SLC35F1: variants seen among roughly 807,000 people sequenced by gnomAD.
SLC35F1 encodes chromosome 6 open reading frame 169.
In SLC35F1, 14 loss-of-function variants were observed where a neutral mutation model predicts 48.7. The ratio of observed to expected loss-of-function variants is 0.29; its 90% CI spans 0.19 to 0.45. SLC35F1 has a LOEUF of 0.45. Ranked by LOEUF, SLC35F1 falls within the 20% of genes least tolerant of loss-of-function variation. The pLI is 1.00. For synonymous variants in SLC35F1, 190 were observed against 202.2 expected, an observed-to-expected ratio of 0.94 and a Z score of 0.51; for missense variants, 404 against 500.0, an observed-to-expected ratio of 0.81 and a Z score of 1.83.
intron 5 of SLC35F1, among the ~76,000 whole-genome samples, chr6:118,277,073 A>G (rs952331736): frequency 4.6e-5 from 7 of 152,022 alleles, no homozygotes; most frequent in African/African-American, 1.7e-4. Context: ...ATTTTAACCC[A>G]CTCTCCAGTT....
At chr6:117,984,952 T>C (rs1165685535) in intron 1 of SLC35F1, among the ~76,000 whole-genome samples, 1 of 152,216 alleles carries the variant, frequency 6.6e-6, no homozygotes, top group Non-Finnish European at 1.5e-5. Context: ...TCAATTTGTT[T>C]CTACAATGGT....
intron 1 of SLC35F1, among the ~76,000 whole-genome samples, chr6:118,100,582 A>C (rs1017856038): frequency 1.3e-5 from 2 of 152,204 alleles, no homozygotes; most frequent in Admixed American, 6.5e-5. Flanking sequence ...GGCAAAGTCT[A>C]GGGGGGTTTC....
intron 1 of SLC35F1, among the ~76,000 whole-genome samples, chr6:118,050,653 A>G (rs1772375732): frequency 6.6e-6 from 1 of 152,098 alleles, no homozygotes. Flanking sequence ...GGTCTGAGGA[A>G]CTGAAAGAAA....
chr6:118,126,563 A>G (rs1773627688), intron 1 of SLC35F1, among the ~76,000 whole-genome samples: 1 of 151,326 alleles, frequency 6.6e-6, no homozygotes, highest in Non-Finnish European at 1.5e-5. Context: ...TCTATAAATT[A>G]CCTTGGGCAA....
intron 1 of SLC35F1, among the ~76,000 whole-genome samples, chr6:117,910,719 G>A (rs1311831402): frequency 6.6e-6 from 1 of 152,158 alleles, no homozygotes; most frequent in African/African-American, 2.4e-5. Context: ...TGGGCCAAAG[G>A]GGTAATGCTG....
At chr6:118,305,048 A>ATGTGTGTGTGTG (rs758520455) in intron 7 of SLC35F1, among the ~76,000 whole-genome samples, 198 of 80,160 alleles carry the variant, frequency 2.5e-3, no homozygotes, top group Non-Finnish European at 3.5e-3. Flanking sequence ...ATCAACAGGA[A>ATGTGTGTGTGTG]TGTGTGTGTG....
intron 4 of SLC35F1, among the ~76,000 whole-genome samples, chr6:118,268,232 G>T (rs1775802299): frequency 6.6e-6 from 1 of 152,126 alleles, no homozygotes; most frequent in Non-Finnish European, 1.5e-5. Context: ...GCAGAGACTG[G>T]AACACAAGGC....
Position 118,061,590 on chromosome 6 carries a change from G to GTATATATATATA in SLC35F1, c.174-92851_174-92840dup, listed in dbSNP as rs58046512. ...TATACATTTGTGTGTGTGTGTGTGT[G>GTATATATATATA]TATATATATATATATGTTTGGTATC... On this transcript the variant is annotated intron_variant, in intron 1 of 7. Transcript: ENST00000360388. Among the ~76,000 whole-genome samples, 139 of 144,410 alleles carry GTATATATATATA rather than the reference G, an allele frequency of 9.6e-4. 1 individual carries two copies. Among genetic ancestry groups the GTATATATATATA allele is most frequent in the African/African-American group, 3.4e-3 (132 of 38,948 alleles). 94.7% of individuals were successfully genotyped at this position (144,410 alleles called of 152,430 possible).
intron 1 of SLC35F1, among the ~76,000 whole-genome samples, chr6:118,103,865 G>A (rs11964063): frequency 0.064 from 9,763 of 151,952 alleles, 846 homozygotes; most frequent in African/African-American, 0.19. Context: ...ATTCAGTTCT[G>A]TGGCAGTTAT....
intron 1 of SLC35F1, among the ~76,000 whole-genome samples, chr6:118,068,718 T>C (rs926696995): frequency 2.6e-5 from 4 of 152,204 alleles, no homozygotes; most frequent in African/African-American, 9.6e-5. Flanking sequence ...AAATGGTCTT[T>C]AGTTACTAAG....
intron 1 of SLC35F1, among the ~76,000 whole-genome samples, chr6:118,025,429 G>A (rs998068229): frequency 3.3e-5 from 5 of 152,108 alleles, no homozygotes; most frequent in Non-Finnish European, 7.3e-5. Context: ...TACTAACCTT[G>A]ATCACCTGGC....
chr6:118,028,619 A>G (rs1470706346), intron 1 of SLC35F1, among the ~76,000 whole-genome samples: 1 of 152,146 alleles, frequency 6.6e-6, no homozygotes. Flanking sequence ...GGATCCACAG[A>G]ACAAAGTAAC....
At position 118,154,556 on chromosome 6, in the gene SLC35F1, C is replaced by T. The variant is rs758425765; in HGVS notation, c.285C>T (p.Phe95=). The change falls in exon 2 of 8, where the codon TTC becomes TTT. Residue 95 remains phenylalanine (F), a synonymous_variant. Transcript: ENST00000360388. Reference sequence around the variant, plus strand: ...ATTTCCACGCCAACACACCAGTCTTCCAGAGTTTCCTCAATTACATTCTTC... The same window carrying T: ...ATTTCCACGCCAACACACCAGTCTTTCAGAGTTTCCTCAATTACATTCTTC... ...SEDFHANTPV[F]QSFLNYILLF... is the part of the protein sequence containing the mutation. The T allele has an allele frequency of 2.5e-6, 4 of 1,614,046 alleles. No individual in the cohort carries two copies. In the East Asian group the frequency reaches 8.9e-5, roughly 36 times the overall value.
intron 1 of SLC35F1, among the ~76,000 whole-genome samples, chr6:117,934,249 G>C (rs1776137464): frequency 6.6e-6 from 1 of 152,132 alleles, no homozygotes; most frequent in Admixed American, 6.5e-5. Context: ...GTGCAGTTCA[G>C]CGTGGCTGAT....
chr6:117,975,420 A>G (rs1776693170), intron 1 of SLC35F1, among the ~76,000 whole-genome samples: 1 of 152,250 alleles, frequency 6.6e-6, no homozygotes, highest in East Asian at 1.9e-4. Context: ...ATTGGCTGGC[A>G]GCATCCCAGG....
At chr6:117,914,616 C>T (rs1379396021) in intron 1 of SLC35F1, among the ~76,000 whole-genome samples, 2 of 152,174 alleles carry the variant, frequency 1.3e-5, no homozygotes, top group South Asian at 2.1e-4. Flanking sequence ...CTCTGGGTGC[C>T]ATTGGTGGAG....
chr6:117,923,848 G>A (rs62647914), intron 1 of SLC35F1, among the ~76,000 whole-genome samples: 35 of 93,170 alleles, frequency 3.8e-4, no homozygotes, highest in Non-Finnish European at 1.3e-4. Flanking sequence ...TTACATATAT[G>A]CACATATATA....
At chr6:118,154,646 A>G in intron 2 of SLC35F1, 26 bp downstream of exon 2, 1 of 1,572,930 alleles carries the variant, frequency 6.4e-7, no homozygotes, top group African/African-American at 1.4e-5. Flanking sequence ...CACCAGGAAT[A>G]TAACTTTTAC....
intron 7 of SLC35F1, among the ~76,000 whole-genome samples, chr6:118,302,787 A>G (rs1460242165): frequency 6.6e-6 from 1 of 152,096 alleles, no homozygotes; most frequent in African/African-American, 2.4e-5. Flanking sequence ...ATTTTTTCCT[A>G]CTACCCCATG....
Sources: allele counts gnomAD v4.1 joint callset (sites outside exome capture counted in the v4.1 genomes callset), GRCh38; gene constraint gnomAD v4.1.1; transcripts MANE v1.5; gene names NCBI Gene and HGNC (gene_info 2026-07-23, HGNC 2026-07-21).